The following ARHGAP10 variants were observed in gnomAD, a reference collection of about 807,000 sequenced individuals.
The protein encoded by ARHGAP10 is rho GTPase-activating protein 10.
A neutral mutation model predicts 108.6 loss-of-function variants in ARHGAP10; 87 were observed. That is an observed-to-expected ratio of 0.80 (90% CI 0.67 to 0.96). The LOEUF (loss-of-function observed/expected upper bound fraction) is 0.96. ARHGAP10 is among the 40% of genes least tolerant of loss of function. ARHGAP10 has a pLI of 0.00. For missense variants in ARHGAP10, 939 were observed against 954.5 expected, an observed-to-expected ratio of 0.98 and a Z score of 0.21; for synonymous variants, 347 against 341.1, an observed-to-expected ratio of 1.02 and a Z score of -0.19.
At chr4:148,000,772 T>A (rs1280388531) in intron 18 of ARHGAP10, among the ~76,000 whole-genome samples, 1 of 152,026 alleles carries the variant, frequency 6.6e-6, no homozygotes, top group Non-Finnish European at 1.5e-5. Context: ...TGTGATGGGG[T>A]TGTTTGTTTT....
At chr4:147,860,666 A>G (rs954792461) in intron 5 of ARHGAP10, among the ~76,000 whole-genome samples, 7 of 152,076 alleles carry the variant, frequency 4.6e-5, no homozygotes, top group East Asian at 1.9e-4. Context: ...TTTGAAGTCT[A>G]TTTTTTCTTC....
At chr4:148,046,789 T>A in intron 19 of ARHGAP10, 103 bp from the exon 20 acceptor site, 4 of 1,191,114 alleles carry the variant, frequency 3.4e-6, no homozygotes, top group Non-Finnish European at 4.7e-6. Flanking sequence ...GTAAATGTAA[T>A]TTTATCATTT....
chr4:147,745,928 C>T (rs530934592), intron 1 of ARHGAP10, among the ~76,000 whole-genome samples: 3 of 149,288 alleles, frequency 2.0e-5, no homozygotes, highest in African/African-American at 4.9e-5. Flanking sequence ...CTGGGATTAC[C>T]GGTGTGCACC....
intron 13 of ARHGAP10, among the ~76,000 whole-genome samples, chr4:147,920,288 G>T (rs1217170245): frequency 6.6e-6 from 1 of 151,790 alleles, no homozygotes; most frequent in East Asian, 1.9e-4. Context: ...ATGGTGGCGG[G>T]TGCCTGTAAT....
chr4:147,930,601 T>C (rs1209953120), intron 13 of ARHGAP10, among the ~76,000 whole-genome samples: 2 of 152,226 alleles, frequency 1.3e-5, no homozygotes, highest in African/African-American at 2.4e-5. Context: ...TACTCAGCAA[T>C]TCCTGTGAAA....
chr4:147,898,370 C>T (rs1342336168), intron 10 of ARHGAP10, among the ~76,000 whole-genome samples: 1 of 151,952 alleles, frequency 6.6e-6, no homozygotes, highest in East Asian at 1.9e-4. Context: ...GATGATAAGT[C>T]ATCCATTTTT....
At chr4:147,798,821 T>A (rs1731459082) in intron 1 of ARHGAP10, among the ~76,000 whole-genome samples, 6 of 128,066 alleles carry the variant, frequency 4.7e-5, no homozygotes, top group African/African-American at 1.9e-4. Flanking sequence ...ATATATAGAC[T>A]TTTTACCCCC....
At chr4:148,050,442 C>T (rs532973514) in intron 20 of ARHGAP10, among the ~76,000 whole-genome samples, 1 of 141,370 alleles carries the variant, frequency 7.1e-6, no homozygotes, top group East Asian at 2.2e-4. Flanking sequence ...GGTGCCATCT[C>T]AGCTCACTGC....
Position 148,003,956 on chromosome 4 carries a change from G to A in ARHGAP10, c.1717-19307G>A, listed in dbSNP as rs1048117786. 3.5e-5 allele frequency among the ~76,000 whole-genome samples: 4 copies of A among 114,420 alleles called. No homozygotes were observed. The East Asian group carries it at 8.6e-4, about 24-fold the overall frequency. 75.1% of individuals were successfully genotyped at this position (114,420 alleles called of 152,430 possible). A position where few individuals can be genotyped will look rare whatever the true frequency, so the allele number is the denominator to read the frequency against. ...AGAAAGCTGCAAAATTATGCTAAGA[G>A]ACGTGAGAGAAATCTCCTTGAGGGG... On this transcript the variant is annotated intron_variant, in intron 18 of 22. Coordinates refer to ENST00000336498, the MANE Select transcript of ARHGAP10 (RefSeq NM_024605.4).
rs72724339 is a variant in ARHGAP10, at chr4:147,827,660, T to C, written c.312+4703T>C. Reference sequence around the variant, plus strand: ...TGAGAACTTTGAAAGACTCTTGTTTTACTTAAATTTTTTTTAACTTAAAAG... The same window carrying C: ...TGAGAACTTTGAAAGACTCTTGTTTCACTTAAATTTTTTTTAACTTAAAAG... On this transcript the variant is annotated intron_variant, in intron 3 of 22. Transcript: ENST00000336498. Among the ~76,000 whole-genome samples, 1,038 of 152,328 alleles carry C rather than the reference T, an allele frequency of 6.8e-3. 8 individuals carry two copies. The highest frequency in any genetic ancestry group is 9.1e-3 in the Non-Finnish European group (621 of 68,022).
intron 1 of ARHGAP10, among the ~76,000 whole-genome samples, chr4:147,797,348 A>G (rs1301332233): frequency 6.6e-6 from 1 of 152,066 alleles, no homozygotes; most frequent in Non-Finnish European, 1.5e-5. Flanking sequence ...TTCCACTGCC[A>G]CCATTTTACT....
At chr4:147,873,278 C>T (rs775457918) in intron 7 of ARHGAP10, among the ~76,000 whole-genome samples, 2 of 152,064 alleles carry the variant, frequency 1.3e-5, no homozygotes, top group South Asian at 2.1e-4. Flanking sequence ...GAAGCCAGTT[C>T]GAAGGGACCT....
chr4:147,870,003 T>TTG (rs1489706411), intron 7 of ARHGAP10, among the ~76,000 whole-genome samples: 2 of 120,970 alleles, frequency 1.7e-5, no homozygotes, highest in Non-Finnish European at 3.5e-5. Context: ...CCAGTTTGTG[T>TTG]GTGTGTGTGT....
At chr4:147,801,748 T>G (rs1049981309) in intron 1 of ARHGAP10, among the ~76,000 whole-genome samples, 3 of 152,234 alleles carry the variant, frequency 2.0e-5, no homozygotes, top group Non-Finnish European at 4.4e-5. Context: ...TGTGGGACTT[T>G]TCATCAGGTC....
At chr4:147,896,222 A>G (rs934059819) in intron 10 of ARHGAP10, among the ~76,000 whole-genome samples, 1 of 152,192 alleles carries the variant, frequency 6.6e-6, no homozygotes, top group South Asian at 2.1e-4. Context: ...TAAGATGGCT[A>G]CAGAAGAATT....
At chr4:147,944,698 G>GT (rs1289077568) in intron 14 of ARHGAP10, among the ~76,000 whole-genome samples, 2 of 151,972 alleles carry the variant, frequency 1.3e-5, no homozygotes, top group African/African-American at 4.8e-5. Context: ...AAACAACGAG[G>GT]TTTTTTTTGG....
intron 3 of ARHGAP10, among the ~76,000 whole-genome samples, chr4:147,831,709 T>C (rs759474760): frequency 3.3e-5 from 5 of 152,240 alleles, no homozygotes; most frequent in South Asian, 4.1e-4. Context: ...AAGCCTGTTA[T>C]TCAGTCAGAT....
intron 1 of ARHGAP10, among the ~76,000 whole-genome samples, chr4:147,783,011 T>C (rs989049836): frequency 7.2e-6 from 1 of 139,798 alleles, no homozygotes; most frequent in Admixed American, 7.6e-5. Context: ...ATAAATTATA[T>C]ACTATATGTT....
chr4:148,059,727 T>C (rs1729518883), intron 20 of ARHGAP10, among the ~76,000 whole-genome samples: 1 of 152,106 alleles, frequency 6.6e-6, no homozygotes, highest in South Asian at 2.1e-4. Flanking sequence ...GTACCCTGCT[T>C]GCGAGCTACC....
Sources: allele counts gnomAD v4.1 joint callset (sites outside exome capture counted in the v4.1 genomes callset), GRCh38; gene constraint gnomAD v4.1.1; transcripts MANE v1.5; gene names NCBI Gene and HGNC (gene_info 2026-07-23, HGNC 2026-07-21).